The following CNTN5 variants were observed in gnomAD, a reference collection of about 807,000 sequenced individuals.
CNTN5 encodes the protein contactin 5.
In CNTN5, 77 loss-of-function variants were observed where a neutral mutation model predicts 129.1. The ratio of observed to expected loss-of-function variants is 0.60; its 90% CI spans 0.50 to 0.72. The LOEUF (loss-of-function observed/expected upper bound fraction) is 0.72. CNTN5 is among the 30% of genes least tolerant of loss of function. The pLI is 0.00. For synonymous variants in CNTN5, 509 were observed against 465.6 expected (o/e 1.09, Z -1.20); for missense variants, 1,478 against 1,328.8 (o/e 1.11, Z -1.75).
intron 2 of CNTN5, among the ~76,000 whole-genome samples, chr11:99,434,467 C>G (rs1220390494): frequency 6.6e-6 from 1 of 152,032 alleles, no homozygotes; most frequent in Non-Finnish European, 1.5e-5. Flanking sequence ...AAATAATTTC[C>G]TCTAGTTCCA....
chr11:99,222,238 C>A (rs958533812), intron 1 of CNTN5, among the ~76,000 whole-genome samples: 1 of 150,812 alleles, frequency 6.6e-6, no homozygotes, highest in African/African-American at 2.4e-5. Context: ...TTATATCCAT[C>A]GATACAAACA....
intron 6 of CNTN5, among the ~76,000 whole-genome samples, chr11:99,884,967 A>AC (rs1337434007): frequency 6.6e-6 from 1 of 152,008 alleles, no homozygotes; most frequent in Non-Finnish European, 1.5e-5. Flanking sequence ...ACAGAGCGAC[A>AC]CCCCATCTCA....
chr11:99,547,225 G>A (rs1043052986), intron 2 of CNTN5, among the ~76,000 whole-genome samples: 5 of 152,040 alleles, frequency 3.3e-5, no homozygotes, highest in East Asian at 3.9e-4. Flanking sequence ...GGCTAGTCCC[G>A]AACTCCTGAC....
At chr11:99,277,331 G>C (rs1165856271) in intron 1 of CNTN5, among the ~76,000 whole-genome samples, 1 of 151,454 alleles carries the variant, frequency 6.6e-6, no homozygotes, top group Non-Finnish European at 1.5e-5. Context: ...TAATAATCTA[G>C]CTTCATATCA....
At chr11:99,544,910 C>T (rs1948241836) in intron 2 of CNTN5, among the ~76,000 whole-genome samples, 1 of 152,174 alleles carries the variant, frequency 6.6e-6, no homozygotes, top group African/African-American at 2.4e-5. Context: ...GATATAAAAA[C>T]ATCCACTGCA....
intron 1 of CNTN5, among the ~76,000 whole-genome samples, chr11:99,095,387 T>C (rs964505691): frequency 6.6e-6 from 1 of 151,824 alleles, no homozygotes; most frequent in African/African-American, 2.4e-5. Flanking sequence ...TACAAAATGG[T>C]GAGAGTGATA....
chr11:99,083,834 C>T (rs937709396), intron 1 of CNTN5, among the ~76,000 whole-genome samples: 3 of 152,096 alleles, frequency 2.0e-5, no homozygotes, highest in Non-Finnish European at 4.4e-5. Context: ...CAGTGAGCAC[C>T]GCACCAGGCC....
At chr11:99,208,819 A>C (rs1262720301) in intron 1 of CNTN5, among the ~76,000 whole-genome samples, 1 of 152,146 alleles carries the variant, frequency 6.6e-6, no homozygotes, top group East Asian at 1.9e-4. Flanking sequence ...AAAAAAATGC[A>C]ATTCCTTATT....
chr11:99,478,201 C>T (rs369709841), intron 2 of CNTN5, among the ~76,000 whole-genome samples: 18 of 152,200 alleles, frequency 1.2e-4, no homozygotes, highest in African/African-American at 4.1e-4. Flanking sequence ...TCTCACAAGA[C>T]TGCAATGAAG....
intron 13 of CNTN5, among the ~76,000 whole-genome samples, chr11:100,081,387 A>T (rs879932390): frequency 1.3e-5 from 2 of 152,154 alleles, no homozygotes; most frequent in African/African-American, 2.4e-5. Flanking sequence ...GAAGTCAATT[A>T]AGAAACCAGC....
intron 1 of CNTN5, among the ~76,000 whole-genome samples, chr11:99,304,569 T>C (rs1864788168): frequency 1.3e-5 from 2 of 152,204 alleles, no homozygotes; most frequent in Admixed American, 6.5e-5. Flanking sequence ...TTCAAGGTAT[T>C]GTTTACAAAT....
chr11:99,835,723 A>G (rs1230770436), intron 4 of CNTN5, among the ~76,000 whole-genome samples: 1 of 152,200 alleles, frequency 6.6e-6, no homozygotes, highest in Non-Finnish European at 1.5e-5. Context: ...AGAATTAAGT[A>G]GAAAGCTAAT....
At chr11:99,999,263 A>G (rs551325287) in intron 8 of CNTN5, among the ~76,000 whole-genome samples, 1 of 152,222 alleles carries the variant, frequency 6.6e-6, no homozygotes, top group South Asian at 2.1e-4. Context: ...CTCATCTGAC[A>G]AAGGGCTAAT....
At chr11:99,630,339 T>A (rs1951296422) in intron 3 of CNTN5, among the ~76,000 whole-genome samples, 1 of 151,910 alleles carries the variant, frequency 6.6e-6, no homozygotes, top group Admixed American at 6.6e-5. Flanking sequence ...GAGAGCAATT[T>A]TCAGGACATC....
chr11:99,898,691 G>A (rs1949273293), intron 6 of CNTN5, among the ~76,000 whole-genome samples: 1 of 151,636 alleles, frequency 6.6e-6, no homozygotes, highest in African/African-American at 2.4e-5. Flanking sequence ...TTCATTGTGT[G>A]GTGACTACCG....
intron 3 of CNTN5, among the ~76,000 whole-genome samples, chr11:99,683,609 T>A (rs1276510557): frequency 1.3e-5 from 2 of 151,874 alleles, no homozygotes; most frequent in Non-Finnish European, 2.9e-5. Flanking sequence ...TTTTGCCTGA[T>A]CTGGGTAATT....
At chr11:99,746,726 T>G (rs1944066737) in intron 3 of CNTN5, among the ~76,000 whole-genome samples, 1 of 152,188 alleles carries the variant, frequency 6.6e-6, no homozygotes, top group Non-Finnish European at 1.5e-5. Flanking sequence ...TCTTGCTGTC[T>G]GTGGAAAAAT....
At position 100,091,223 on chromosome 11, in the gene CNTN5, G is replaced by A. The variant is rs540934479; in HGVS notation, c.1580+16929G>A. On this transcript the variant is annotated intron_variant, in intron 13 of 24. Coordinates refer to ENST00000524871, the MANE Select transcript of CNTN5 (RefSeq NM_014361.4). ...GCACCACTTATCTCCTCAGCTTGAA[G>A]TACTGTTGCCCAGAGTGTTGCCTTA... Among the ~76,000 whole-genome samples, 15 of 132,014 alleles carry A rather than the reference G, an allele frequency of 1.1e-4. No individual in the cohort carries two copies. The East Asian group carries it at 2.9e-3, about 25-fold the overall frequency. The allele number at this position is 132,014 out of a possible 152,430, so 86.6% of individuals were successfully genotyped here.
chr11:100,072,590 C>T (rs1772825243), intron 12 of CNTN5, among the ~76,000 whole-genome samples: 1 of 152,142 alleles, frequency 6.6e-6, no homozygotes, highest in Admixed American at 6.6e-5. Flanking sequence ...CGGGCAGAAG[C>T]CCAAGTGTGT....
Sources: allele counts gnomAD v4.1 joint callset (sites outside exome capture counted in the v4.1 genomes callset), GRCh38; gene constraint gnomAD v4.1.1; transcripts MANE v1.5; gene names NCBI Gene and HGNC (gene_info 2026-07-23, HGNC 2026-07-21).